The following SNTG1 variants were observed in gnomAD, a reference collection of about 807,000 sequenced individuals.
SNTG1 encodes the protein gamma-1-syntrophin.
In SNTG1, 39 loss-of-function variants were observed where a neutral mutation model predicts 74.7. The ratio of observed to expected loss-of-function variants is 0.52; its 90% CI spans 0.40 to 0.68. The LOEUF (loss-of-function observed/expected upper bound fraction) is 0.68. Among genes scored for constraint, SNTG1 ranks in the 30% least tolerant of loss-of-function variants. The pLI is 0.00. For missense variants in SNTG1, 685 were observed against 609.5 expected (o/e 1.12, Z -1.30); for synonymous variants, 254 against 217.1 (o/e 1.17, Z -1.49).
chr8:50,028,977 G>C lies in SNTG1; in HGVS notation c.-103+116746G>C, dbSNP rs1585963166. Among the ~76,000 whole-genome samples, 3 of 151,918 alleles carry C rather than the reference G, an allele frequency of 2.0e-5. 1 individual carries two copies. In the East Asian group the frequency reaches 5.8e-4, roughly 29 times the overall value. ...GTCCATTTTCAAATTGGATATTTTGGTTTTTAATGTTGAGTTTTAATAATT... is the reference window on the plus strand; with the variant it reads ...GTCCATTTTCAAATTGGATATTTTGCTTTTTAATGTTGAGTTTTAATAATT... On this transcript the variant is annotated intron_variant, in intron 1 of 18. Coordinates refer to ENST00000642720, the MANE Select transcript of SNTG1 (RefSeq NM_018967.5).
At chr8:50,524,374 A>C (rs2094203705) in intron 9 of SNTG1, among the ~76,000 whole-genome samples, 1 of 152,080 alleles carries the variant, frequency 6.6e-6, no homozygotes, top group Non-Finnish European at 1.5e-5. Flanking sequence ...GGACAAATAT[A>C]CTTGTTAAAT....
intron 1 of SNTG1, among the ~76,000 whole-genome samples, chr8:49,963,593 C>A (rs1240393988): frequency 1.3e-5 from 2 of 152,132 alleles, no homozygotes; most frequent in African/African-American, 4.8e-5. Context: ...ATCAAGCAAG[C>A]ATTGCCCCTA....
At chr8:50,625,394 C>G (rs1472849678) in intron 13 of SNTG1, among the ~76,000 whole-genome samples, 6 of 152,136 alleles carry the variant, frequency 3.9e-5, no homozygotes, top group Non-Finnish European at 5.9e-5. Context: ...GTCAGCAGTT[C>G]TGATGACTAT....
At chr8:50,348,975 C>A (rs1469711603) in intron 2 of SNTG1, among the ~76,000 whole-genome samples, 4 of 152,142 alleles carry the variant, frequency 2.6e-5, no homozygotes, top group African/African-American at 9.7e-5. Context: ...TAATTTAAAT[C>A]TCATAATAAG....
intron 2 of SNTG1, among the ~76,000 whole-genome samples, chr8:50,187,293 A>G (rs2131752598): frequency 6.6e-6 from 1 of 152,260 alleles, no homozygotes; most frequent in Non-Finnish European, 1.5e-5. Context: ...CAATGAAAAC[A>G]GCAAGGTACT....
intron 10 of SNTG1, among the ~76,000 whole-genome samples, chr8:50,536,013 T>C (rs986463173): frequency 6.6e-6 from 1 of 152,136 alleles, no homozygotes; most frequent in African/African-American, 2.4e-5. Flanking sequence ...TATCAAATAT[T>C]AGTCTCCTCT....
intron 1 of SNTG1, among the ~76,000 whole-genome samples, chr8:49,976,474 G>A (rs1812203928): frequency 6.6e-6 from 1 of 152,128 alleles, no homozygotes. Flanking sequence ...TCATTGGAGT[G>A]TTTGTGTTTG....
intron 17 of SNTG1, among the ~76,000 whole-genome samples, chr8:50,720,535 G>A (rs899065405): frequency 6.6e-6 from 1 of 152,156 alleles, no homozygotes; most frequent in South Asian, 2.1e-4. Flanking sequence ...GAATTGGGTA[G>A]GTACTTTCAT....
At chr8:50,193,184 A>T (rs2083639805) in intron 2 of SNTG1, among the ~76,000 whole-genome samples, 1 of 152,068 alleles carries the variant, frequency 6.6e-6, no homozygotes. Flanking sequence ...AATTCTGTGT[A>T]GAATGATGGT....
intron 17 of SNTG1, among the ~76,000 whole-genome samples, chr8:50,748,876 C>T (rs1358902456): frequency 6.6e-6 from 1 of 152,002 alleles, no homozygotes; most frequent in South Asian, 2.1e-4. Flanking sequence ...TCTCCCTGTA[C>T]TTAGGCCTCC....
At chr8:50,108,545 A>G (rs2080466274) in intron 1 of SNTG1, among the ~76,000 whole-genome samples, 1 of 152,232 alleles carries the variant, frequency 6.6e-6, no homozygotes, top group Admixed American at 6.5e-5. Flanking sequence ...TTATTTTGTA[A>G]CAAAACATTC....
chr8:50,632,293 A>ATTCATTTG (rs1422403479), intron 13 of SNTG1, among the ~76,000 whole-genome samples: 3 of 147,498 alleles, frequency 2.0e-5, no homozygotes, highest in African/African-American at 7.7e-5. Context: ...AATTTTATTT[A>ATTCATTTG]TTTATTTATT....
intron 8 of SNTG1, among the ~76,000 whole-genome samples, chr8:50,500,038 T>A (rs994569169): frequency 1.3e-5 from 2 of 151,412 alleles, no homozygotes; most frequent in East Asian, 2.0e-4. Flanking sequence ...TAGCGTAGAT[T>A]TATTTGGCAG....
intron 5 of SNTG1, among the ~76,000 whole-genome samples, 168 bp downstream of exon 5, chr8:50,438,767 C>G (rs2093330706): frequency 6.6e-6 from 1 of 152,104 alleles, no homozygotes; most frequent in South Asian, 2.1e-4. Context: ...TTCCTGCAAA[C>G]TCTTACCATT....
At chr8:49,944,340 C>T (rs1012611246) in intron 1 of SNTG1, among the ~76,000 whole-genome samples, 12 of 152,038 alleles carry the variant, frequency 7.9e-5, no homozygotes, top group Admixed American at 5.2e-4. Context: ...ATCCTTCATT[C>T]TACAGATCAG....
At chr8:50,302,050 T>C (rs1017574651) in intron 2 of SNTG1, among the ~76,000 whole-genome samples, 7 of 152,202 alleles carry the variant, frequency 4.6e-5, no homozygotes, top group African/African-American at 1.7e-4. Flanking sequence ...AGAGACAGAG[T>C]TTCACCATGT....
rs115183263 is a variant in SNTG1, at chr8:49,974,164, C to T, written c.-103+61933C>T. Among the ~76,000 whole-genome samples, 900 of 152,306 alleles carry T rather than the reference C, an allele frequency of 5.9e-3. 12 individuals carry two copies. Among genetic ancestry groups the T allele is most frequent in the African/African-American group, 0.019 (785 of 41,568 alleles). ...TTTTCCTATCTGGAAGCACATGCCA[C>T]AACTCCATTAGCAAAACATAGTAAC... On this transcript the variant is annotated intron_variant, in intron 1 of 18. Coordinates refer to ENST00000642720, the MANE Select transcript of SNTG1 (RefSeq NM_018967.5).
At position 50,581,335 on chromosome 8, in the gene SNTG1, A is replaced by G. The variant is rs557460789; in HGVS notation, c.811-9544A>G. On this transcript the variant is annotated intron_variant, in intron 12 of 18. Coordinates refer to ENST00000642720, the MANE Select transcript of SNTG1 (RefSeq NM_018967.5). ...TCCTACTGAGAAGGTTATATTTAAG[A>G]ATCAATAAATTCTATGGTCATGTTT... Among the ~76,000 whole-genome samples the G allele has an allele frequency of 2.0e-5, 3 of 152,310 alleles. No homozygotes were observed. In the South Asian group the frequency reaches 6.2e-4, roughly 32 times the overall value.
intron 4 of SNTG1, among the ~76,000 whole-genome samples, chr8:50,409,013 G>C (rs1193465854): frequency 6.6e-6 from 1 of 152,080 alleles, no homozygotes; most frequent in East Asian, 1.9e-4. Flanking sequence ...GGCTTTATCA[G>C]GGTGAGCTTC....
Sources: allele counts gnomAD v4.1 joint callset (sites outside exome capture counted in the v4.1 genomes callset), GRCh38; gene constraint gnomAD v4.1.1; transcripts MANE v1.5; gene names NCBI Gene and HGNC (gene_info 2026-07-23, HGNC 2026-07-21).